BEND5: variants seen among roughly 807,000 people sequenced by gnomAD.
BEND5 encodes the protein BEN domain containing 5.
Under a neutral mutation model 43.9 loss-of-function variants are expected in BEND5, and 22 were observed. The observed-to-expected ratio is 0.50, with a 90% CI of 0.36 to 0.72. BEND5 has a LOEUF of 0.72. Among genes scored for constraint, BEND5 ranks in the 30% least tolerant of loss-of-function variants. The pLI, the probability that BEND5 is intolerant of heterozygous loss-of-function variation, is 0.00. For synonymous variants in BEND5, 228 were observed against 225.9 expected (o/e 1.01, Z -0.08); for missense variants, 428 against 550.6 (o/e 0.78, Z 2.23).
At chr1:48,759,558 C>G (rs1233822668) in intron 2 of BEND5, among the ~76,000 whole-genome samples, 2 of 152,248 alleles carry the variant, frequency 1.3e-5, no homozygotes, top group African/African-American at 2.4e-5. Context: ...CTTTTCACCA[C>G]TCTGCCTCCT....
chr1:48,747,161 G>A (rs898988167), intron 3 of BEND5, among the ~76,000 whole-genome samples: 17 of 152,306 alleles, frequency 1.1e-4, no homozygotes, highest in Admixed American at 2.0e-4. Context: ...AAGCACTTGC[G>A]TTAAGAGACA....
At chr1:48,766,574 C>A (rs1644542080) in intron 1 of BEND5, among the ~76,000 whole-genome samples, 2 of 152,210 alleles carry the variant, frequency 1.3e-5, no homozygotes, top group Non-Finnish European at 2.9e-5. Context: ...TGAATGGGTT[C>A]TTTGAAAAGG....
chr1:48,736,212 C>G lies in BEND5; in HGVS notation c.1108+27G>C, dbSNP rs1478968623. On this transcript the variant is annotated intron_variant, in intron 5 of 5. Coordinates refer to ENST00000371833, the MANE Select transcript of BEND5 (RefSeq NM_024603.4). This position sits in a 1 kb window ranked among gnomAD's most constrained non-coding sequence, Gnocchi z 4.0. ...GACAGAGTAAAAGACAGAATCCCAG[C>G]CATTGTGTTTCCACTCAGTGACCTA... The G allele has an allele frequency of 1.3e-6, 2 of 1,590,906 alleles. No individual in the cohort carries two copies. Among genetic ancestry groups the G allele is most frequent in the African/African-American group, 2.7e-5 (2 of 74,296 alleles).
At chr1:48,761,261 C>G in intron 2 of BEND5, 76 bp downstream of exon 2, 1 of 1,424,516 alleles carries the variant, frequency 7.0e-7, no homozygotes, top group Non-Finnish European at 9.4e-7. Flanking sequence ...GAGAGGAAGC[C>G]AGACTGAAAC....
chr1:48,763,316 GGTTAGGCAT>G, intron 1 of BEND5, among the ~76,000 whole-genome samples: 1 of 152,288 alleles, frequency 6.6e-6, no homozygotes, highest in South Asian at 2.1e-4. Flanking sequence ...ACATCCAATG[GGTTAGGCAT>G]GAACAACAAT....
At chr1:48,755,056 A>C (rs886098668) in intron 3 of BEND5, among the ~76,000 whole-genome samples, 5 of 152,174 alleles carry the variant, frequency 3.3e-5, no homozygotes, top group African/African-American at 1.2e-4. Flanking sequence ...GTGTGGAATG[A>C]ATGAAAGAAT....
intron 5 of BEND5, among the ~76,000 whole-genome samples, chr1:48,734,884 G>T (rs1648770504): frequency 6.6e-6 from 1 of 152,180 alleles, no homozygotes; most frequent in Admixed American, 6.5e-5. Context: ...TTGACTGACT[G>T]AGTCTTACTT....
chr1:48,766,533 C>A (rs1644540252), intron 1 of BEND5, among the ~76,000 whole-genome samples: 1 of 152,218 alleles, frequency 6.6e-6, no homozygotes, highest in African/African-American at 2.4e-5. Flanking sequence ...CCAGGCACAA[C>A]AGAAACAAGT....
chr1:48,758,451 C>G (rs1248828802), intron 3 of BEND5, among the ~76,000 whole-genome samples: 4 of 152,218 alleles, frequency 2.6e-5, no homozygotes, highest in African/African-American at 7.2e-5. Flanking sequence ...AATAACCTCT[C>G]CAACCCCTGA....
At chr1:48,770,980 G>A (rs1644795550) in intron 1 of BEND5, among the ~76,000 whole-genome samples, 1 of 152,210 alleles carries the variant, frequency 6.6e-6, no homozygotes, top group South Asian at 2.1e-4. Context: ...CTAAACAACT[G>A]TTTGAATGGC....
intron 3 of BEND5, among the ~76,000 whole-genome samples, chr1:48,750,902 C>A (rs907775981): frequency 2.6e-5 from 4 of 152,098 alleles, no homozygotes; most frequent in African/African-American, 7.2e-5. Context: ...AATTACCCCC[C>A]ACACTCAGAG....
At chr1:48,743,130 C>T (rs1196665575) in intron 3 of BEND5, among the ~76,000 whole-genome samples, 1 of 152,122 alleles carries the variant, frequency 6.6e-6, no homozygotes, top group Admixed American at 6.5e-5. Flanking sequence ...ATATGCAAAT[C>T]GTGTATTTGC....
At chr1:48,738,250 C>T (rs534311974) in intron 4 of BEND5, among the ~76,000 whole-genome samples, 7 of 152,308 alleles carry the variant, frequency 4.6e-5, no homozygotes, top group African/African-American at 1.2e-4. Flanking sequence ...AATCTACCTG[C>T]ACGTCTGACT....
chr1:48,736,509 C>T lies in BEND5; in HGVS notation c.895-57G>A. 1.4e-6 allele frequency: 2 copies of T among 1,445,954 alleles called. No individual in the cohort carries two copies. The highest frequency in any genetic ancestry group is 1.9e-6 in the Non-Finnish European group (2 of 1,034,214). The allele number at this position is 1,445,954 out of a possible 1,614,324, so 89.6% of individuals were successfully genotyped here. ...AGTCCGACAGGAGGGCAGTGGGAGG[C>T]TTCTCTTGTCCTTTAAAAAGCATTG... On this transcript the variant is annotated intron_variant, in intron 4 of 5. Coordinates refer to ENST00000371833, the MANE Select transcript of BEND5 (RefSeq NM_024603.4). The surrounding 1 kb of genome is among the most constrained non-coding windows in gnomAD (Gnocchi z 4.0).
Position 48,728,038 on chromosome 1 carries a change from A to G in BEND5, c.1114T>C (p.Leu372=). Residue 372 remains leucine, a synonymous_variant, in exon 6 of 6, where the codon TTG becomes CTG. Transcript: ENST00000371833. ...PHKLSIVREC[L]YDRIAQETVD... is the part of the protein sequence containing the mutation. ...GTTTCTTGTGCTATTCTGTCATACA[A>G]ACACTCTAGACGGGGAGAAGAAACA... 1 of 1,604,956 alleles carries G rather than the reference A, an allele frequency of 6.2e-7. No individual in the cohort carries two copies. Among genetic ancestry groups the G allele is most frequent in the Non-Finnish European group, 8.5e-7 (1 of 1,174,104 alleles).
chr1:48,730,330 G>A (rs539653994), intron 5 of BEND5, among the ~76,000 whole-genome samples: 2 of 152,272 alleles, frequency 1.3e-5, no homozygotes, highest in Admixed American at 6.5e-5. Flanking sequence ...TGAGATATTC[G>A]TATCTGATTC....
chr1:48,746,681 C>G (rs762453486), intron 3 of BEND5, among the ~76,000 whole-genome samples: 51 of 152,316 alleles, frequency 3.3e-4, no homozygotes, highest in Admixed American at 1.8e-3. Context: ...TTCAGGAGAC[C>G]TGGGTGTGAA....
At chr1:48,740,481 A>G (rs1649747800) in intron 4 of BEND5, among the ~76,000 whole-genome samples, 1 of 152,258 alleles carries the variant, frequency 6.6e-6, no homozygotes, top group African/African-American at 2.4e-5. Flanking sequence ...GAAATAAAAC[A>G]TTTAGACAAA....
chr1:48,754,921 C>G (rs995989549), intron 3 of BEND5, among the ~76,000 whole-genome samples: 9 of 152,146 alleles, frequency 5.9e-5, no homozygotes, highest in African/African-American at 2.2e-4. Flanking sequence ...TAGGAATAAG[C>G]CAGTGACACT....
Sources: gnomAD v4.1 joint callset for allele counts (sites outside exome capture counted in the v4.1 genomes callset) on GRCh38, gnomAD v4.1.1 for gene constraint, Gnocchi (gnomAD v3.1) non-coding constraint, MANE v1.5 for transcripts, NCBI Gene and HGNC (gene_info 2026-07-23, HGNC 2026-07-21) for gene names.